The following SNX29 variants were observed in gnomAD, a reference collection of about 807,000 sequenced individuals.
The protein encoded by SNX29 is sorting nexin 29.
In SNX29, 78 loss-of-function variants were observed where a neutral mutation model predicts 102.1. The ratio of observed to expected loss-of-function variants is 0.76; its 90% CI spans 0.64 to 0.92. The LOEUF is 0.92. Ranked by LOEUF, SNX29 falls within the 40% of genes least tolerant of loss-of-function variation. The probability of loss-of-function intolerance (pLI) is 0.00; values close to 1 mark genes in which losing one functional copy is unlikely to be tolerated. For synonymous variants in SNX29, 580 were observed against 414.5 expected (o/e 1.40, Z -4.85); for missense variants, 1,280 against 1,061.7 (o/e 1.21, Z -2.86).
chr16:12,464,229 CGTGT>C (rs138917966), intron 18 of SNX29, among the ~76,000 whole-genome samples: 1 of 140,930 alleles, frequency 7.1e-6, no homozygotes, highest in Non-Finnish European at 1.6e-5. Flanking sequence ...TATTCCATGG[CGTGT>C]GTGTGTGTGT....
intron 13 of SNX29, among the ~76,000 whole-genome samples, chr16:12,154,650 A>G (rs1484136254): frequency 1.3e-5 from 2 of 152,196 alleles, no homozygotes; most frequent in African/African-American, 4.8e-5. Context: ...TAACAAAACA[A>G]AAAGTACCAG....
chr16:12,215,905 A>G (rs1455785855), intron 14 of SNX29, among the ~76,000 whole-genome samples: 1 of 152,132 alleles, frequency 6.6e-6, no homozygotes, highest in Non-Finnish European at 1.5e-5. Context: ...AGCAGAGTGC[A>G]GGGGTCCTCC....
chr16:12,137,612 G>GC (rs1482849956), intron 13 of SNX29, among the ~76,000 whole-genome samples: 1 of 152,148 alleles, frequency 6.6e-6, no homozygotes, highest in Non-Finnish European at 1.5e-5. Flanking sequence ...TTCTATGAAG[G>GC]CTTTAAATCT....
rs569483214 is a variant in SNX29 at position 12,381,573 on chromosome 16, ATCCACCCACCC to A, written c.1900-16872_1900-16862del. Among the ~76,000 whole-genome samples the A allele has an allele frequency of 4.5e-3, 151 of 33,840 alleles. 1 individual carries two copies. The highest frequency in any genetic ancestry group is 6.0e-3 in the Non-Finnish European group (109 of 18,036). The allele number at this position is 33,840 out of a possible 152,430, so 22.2% of individuals were successfully genotyped here. A position where few individuals can be genotyped will look rare whatever the true frequency, so the allele number is the denominator to read the frequency against. On this transcript the variant is annotated intron_variant, in intron 16 of 20. Transcript: ENST00000566228. ...CTATCCACCCAGCCACCCACCCATC[ATCCACCCACCC>A]ACTCACTCATCCATCCACCCATCCA... is the stretch of plus-strand genomic sequence containing the variant.
At chr16:12,557,469 C>G (rs551119847) in intron 20 of SNX29, 3 of 152,208 alleles carry the variant, frequency 2.0e-5, no homozygotes, top group Non-Finnish European at 2.9e-5. Flanking sequence ...TCAAGCAATT[C>G]TCCTGCTTCA....
At chr16:12,157,196 C>A (rs955214802) in intron 13 of SNX29, among the ~76,000 whole-genome samples, 2 of 152,152 alleles carry the variant, frequency 1.3e-5, no homozygotes, top group African/African-American at 4.8e-5. Context: ...CCAACATCCA[C>A]CCCCCATAGG....
At chr16:12,245,843 G>A (rs777577407) in intron 14 of SNX29, among the ~76,000 whole-genome samples, 3 of 152,140 alleles carry the variant, frequency 2.0e-5, no homozygotes, top group Non-Finnish European at 4.4e-5. Context: ...AGTTTCTGCT[G>A]CAGGAACTGG....
intron 16 of SNX29, among the ~76,000 whole-genome samples, chr16:12,391,881 A>T (rs991596570): frequency 3.3e-5 from 5 of 152,108 alleles, no homozygotes; most frequent in African/African-American, 1.2e-4. Flanking sequence ...AAATTGCGTG[A>T]TTGTTACGTT....
rs542031331 is a variant in SNX29, at chr16:12,572,377, G to A, written c.*3748G>A. On this transcript the variant is annotated 3_prime_UTR_variant, in exon 21 of 21. Coordinates refer to ENST00000566228, the MANE Select transcript of SNX29 (RefSeq NM_032167.5). ...ACAGCAGGCTCTGCCTTCTGGAGGC[G>A]GCTTATATCCCAACAGCCTGAGGCA... 287 of 1,063,108 alleles carry A rather than the reference G, an allele frequency of 2.7e-4. No individual in the cohort carries two copies. The highest frequency in any genetic ancestry group is 5.0e-4 in the East Asian group (10 of 19,826). 65.9% of individuals were successfully genotyped at this position (1,063,108 alleles called of 1,614,324 possible).
intron 19 of SNX29, among the ~76,000 whole-genome samples, chr16:12,517,503 C>G (rs897440692): frequency 1.3e-5 from 2 of 152,240 alleles, no homozygotes; most frequent in Non-Finnish European, 2.9e-5. Context: ...TTTGTTCTCT[C>G]TCTCTGGACT....
At chr16:12,405,545 C>G (rs2084126083) in intron 18 of SNX29, among the ~76,000 whole-genome samples, 1 of 152,162 alleles carries the variant, frequency 6.6e-6, no homozygotes, top group Non-Finnish European at 1.5e-5. Context: ...AGTGGTGTCT[C>G]TTGCATGCAA....
At chr16:12,164,768 A>G (rs1458810619) in intron 13 of SNX29, among the ~76,000 whole-genome samples, 3 of 148,832 alleles carry the variant, frequency 2.0e-5, no homozygotes, top group African/African-American at 5.0e-5. Context: ...GCTCACTGCA[A>G]CATCCGCCTC....
intron 11 of SNX29, among the ~76,000 whole-genome samples, chr16:12,107,586 G>A (rs756126557): frequency 1.3e-5 from 2 of 152,132 alleles, no homozygotes; most frequent in Non-Finnish European, 2.9e-5. Context: ...GCAGTGAGCT[G>A]AGATGCGTTC....
At chr16:12,132,821 T>G (rs998383214) in intron 13 of SNX29, among the ~76,000 whole-genome samples, 1 of 152,216 alleles carries the variant, frequency 6.6e-6, no homozygotes, top group Non-Finnish European at 1.5e-5. Context: ...CAGACCAGTA[T>G]TTCAAAAGGA....
chr16:12,027,396 G>A lies in SNX29; in HGVS notation c.199G>A (p.Ala67Thr). The change falls in exon 4 of 21, where the codon GCG becomes ACG. Residue 67 changes from alanine (A) to threonine (T), a missense_variant. By Grantham distance (58) the Ala-to-Thr change is moderately conservative. Transcript: ENST00000566228. Reference sequence around the variant, plus strand: ...GAGGAGTCGAGGATTGGCACTCACAGCGGCAGCGATCAAGCAGGCAGCGGG... The same window carrying A: ...GAGGAGTCGAGGATTGGCACTCACAACGGCAGCGATCAAGCAGGCAGCGGG... ...LKRSRGLALT[A>T]AAIKQAAGFA... 1.9e-6 allele frequency: 3 copies of A among 1,614,164 alleles called. No homozygotes were observed. The highest frequency in any genetic ancestry group is 2.5e-6 in the Non-Finnish European group (3 of 1,180,008).
intron 16 of SNX29, among the ~76,000 whole-genome samples, chr16:12,391,105 C>T (rs865846805): frequency 3.9e-5 from 6 of 151,918 alleles, no homozygotes; most frequent in Non-Finnish European, 1.5e-5. Context: ...GCCACCACAC[C>T]CAGCTACTTT....
At chr16:12,554,179 G>C (rs751718598) in intron 20 of SNX29, among the ~76,000 whole-genome samples, 2 of 152,310 alleles carry the variant, frequency 1.3e-5, no homozygotes, top group East Asian at 1.9e-4. Context: ...GTGTGAATAA[G>C]TTCTGGCTTA....
In SNX29 at chr16:12,538,927, C is replaced by G. The variant is rs368185650; in HGVS notation, c.2318+14086C>G. 1.9e-4 allele frequency among the ~76,000 whole-genome samples: 29 copies of G among 152,206 alleles called. No homozygotes were observed. In the East Asian group the frequency reaches 4.6e-3, roughly 24 times the overall value. On this transcript the variant is annotated intron_variant, in intron 20 of 20. Coordinates refer to ENST00000566228, the MANE Select transcript of SNX29 (RefSeq NM_032167.5). ...CTGTTCTAAGTGGGAGAAAGGGTGGCTGTGGGCATGTAGCAGTGCTGTGAA... is the reference window on the plus strand; with the variant it reads ...CTGTTCTAAGTGGGAGAAAGGGTGGGTGTGGGCATGTAGCAGTGCTGTGAA...
chr16:12,037,515 A>G (rs2057509705), intron 4 of SNX29, among the ~76,000 whole-genome samples: 2 of 152,084 alleles, frequency 1.3e-5, no homozygotes, highest in South Asian at 4.1e-4. Context: ...AAAAAACGAA[A>G]GTTGCATATG....
Sources: gnomAD v4.1 joint callset for allele counts (sites outside exome capture counted in the v4.1 genomes callset) on GRCh38, gnomAD v4.1.1 for gene constraint, MANE v1.5 for transcripts, NCBI Gene and HGNC (gene_info 2026-07-23, HGNC 2026-07-21) for gene names.